Variants in CASK observed in about 807,000 individuals in gnomAD.
CASK encodes peripheral plasma membrane protein CASK.
In CASK, 4 loss-of-function variants were observed where a neutral mutation model predicts 82.9. The ratio of observed to expected loss-of-function variants is 0.05; its 90% CI spans 0.02 to 0.11. CASK has a LOEUF of 0.11. Among genes scored for constraint, CASK ranks in the 10% least tolerant of loss-of-function variants. The probability of loss-of-function intolerance (pLI) is 1.00; values close to 1 mark genes in which losing one functional copy is unlikely to be tolerated. For missense variants in CASK, 358 were observed against 720.9 expected, an observed-to-expected ratio of 0.50 and a Z score of 5.76; for synonymous variants, 259 against 253.5, an observed-to-expected ratio of 1.02 and a Z score of -0.20.
chrX:41,516,742 C>CT lies in CASK; in HGVS notation c.*3677dup, dbSNP rs1369613895. 3 of 111,186 alleles carry CT rather than the reference C, an allele frequency of 2.7e-5. No homozygotes were observed. The highest frequency in any genetic ancestry group is 9.8e-5 in the African/African-American group (3 of 30,588). 9.2% of individuals were successfully genotyped at this position (111,186 alleles called of 1,213,427 possible). A position where few individuals can be genotyped will look rare whatever the true frequency, so the allele number is the denominator to read the frequency against. ...TGGAATGCCGATTCCAAGGTGCCTT[C>CT]TCTTTTCAAAGAGACAGTGTGGGAG... On this transcript the variant is annotated 3_prime_UTR_variant, in exon 27 of 27. Coordinates refer to ENST00000378163, the MANE Select transcript of CASK (RefSeq NM_001367721.1).
chrX:41,628,976 A>T (rs1375564549), intron 9 of CASK, among the ~76,000 whole-genome samples: 2 of 111,840 alleles, frequency 1.8e-5, no homozygotes, highest in Non-Finnish European at 3.8e-5. Context: ...TGTTAGTTAT[A>T]CGCTTCAAGG....
At chrX:41,555,974 C>T (rs2065155868) in intron 19 of CASK, 1 of 166,219 alleles carries the variant, frequency 6.0e-6, no homozygotes, top group Non-Finnish European at 1.1e-5. Context: ...TCAACTTAGT[C>T]ACTGCAACCA....
chrX:41,589,766 A>C (rs2065715478), intron 12 of CASK, 174 bp from the exon 13 acceptor site: 1 of 434,746 alleles, frequency 2.3e-6, no homozygotes, highest in African/African-American at 2.4e-5. Context: ...TTGTCAGAAT[A>C]TGAGTCTTAT....
At chrX:41,843,478 A>C (rs1284089949) in intron 2 of CASK, among the ~76,000 whole-genome samples, 1 of 111,489 alleles carries the variant, frequency 9.0e-6, no homozygotes, top group Admixed American at 9.5e-5. Flanking sequence ...TAAATGTTTA[A>C]ACAAGCTTGA....
intron 1 of CASK, among the ~76,000 whole-genome samples, chrX:41,914,436 T>C (rs2072635803): frequency 8.9e-6 from 1 of 112,574 alleles, no homozygotes; most frequent in African/African-American, 3.2e-5. Context: ...CTGGCTTATG[T>C]ACAACGAAGC....
At chrX:41,863,514 G>A (rs926305627) in intron 1 of CASK, among the ~76,000 whole-genome samples, 4 of 112,383 alleles carry the variant, frequency 3.6e-5, no homozygotes, top group Non-Finnish European at 7.5e-5. Flanking sequence ...ATATCTTGTG[G>A]AGATAACAAA....
intron 1 of CASK, among the ~76,000 whole-genome samples, chrX:41,922,057 C>CT (rs1478728330): frequency 5.4e-5 from 6 of 111,293 alleles, no homozygotes; most frequent in African/African-American, 2.0e-4. Flanking sequence ...GGATTGTGCA[C>CT]TTGGAGTACT....
chrX:41,862,542 G>GA (rs35462461), intron 1 of CASK, among the ~76,000 whole-genome samples: 1,023 of 32,795 alleles, frequency 0.031, 34 homozygotes, highest in African/African-American at 0.066. Flanking sequence ...CTCTGTCTCA[G>GA]AAAAAAAAAA....
chrX:41,556,916 G>C, intron 19 of CASK, 116 bp downstream of exon 19: 1 of 583,815 alleles, frequency 1.7e-6, no homozygotes, highest in Non-Finnish European at 3.0e-6. Context: ...AGCTGTAGTA[G>C]CCTTGTATAT....
At chrX:41,890,242 G>GTGTA (rs1556297436) in intron 1 of CASK, among the ~76,000 whole-genome samples, 615 of 34,229 alleles carry the variant, frequency 0.018, 5 homozygotes, top group African/African-American at 0.11. Context: ...GTGTGTGTAT[G>GTGTA]TGTGTGTGTG....
chrX:41,816,334 T>C (rs933509213), intron 2 of CASK, among the ~76,000 whole-genome samples: 1 of 111,134 alleles, frequency 9.0e-6, no homozygotes, highest in African/African-American at 3.3e-5. Flanking sequence ...TAAAAGTATA[T>C]GAACAGACAA....
intron 2 of CASK, among the ~76,000 whole-genome samples, chrX:41,844,654 C>A (rs1198149023): frequency 9.0e-6 from 1 of 111,417 alleles, no homozygotes; most frequent in Non-Finnish European, 1.9e-5. Flanking sequence ...AAAGAAACAA[C>A]TTTTGGTTTT....
chrX:41,909,838 C>T (rs1490726494), intron 1 of CASK, among the ~76,000 whole-genome samples: 1 of 111,945 alleles, frequency 8.9e-6, no homozygotes, highest in Non-Finnish European at 1.9e-5. Flanking sequence ...AACTCCTGGC[C>T]TCAAATGATC....
chrX:41,716,287 T>C (rs749729700), intron 5 of CASK, among the ~76,000 whole-genome samples: 1 of 111,958 alleles, frequency 8.9e-6, no homozygotes, highest in South Asian at 3.8e-4. Context: ...AGAGTAACGG[T>C]TTGATAGAGA....
chrX:41,845,800 T>A (rs2071144127), intron 2 of CASK, among the ~76,000 whole-genome samples: 1 of 111,698 alleles, frequency 9.0e-6, no homozygotes, highest in Non-Finnish European at 1.9e-5. Flanking sequence ...ATTCCTCCAA[T>A]ACTGCCTCCT....
chrX:41,612,545 C>G (rs752078348), intron 11 of CASK, among the ~76,000 whole-genome samples: 1 of 104,825 alleles, frequency 9.5e-6, no homozygotes, highest in African/African-American at 3.5e-5. Flanking sequence ...CAGCCCCCCG[C>G]CCGGCCAGCC....
At chrX:41,800,281 AC>A (rs1169015633) in intron 2 of CASK, among the ~76,000 whole-genome samples, 5 of 109,664 alleles carry the variant, frequency 4.6e-5, no homozygotes, top group African/African-American at 1.7e-4. Context: ...CACAGTTCAT[AC>A]CTCCTCCTTC....
intron 1 of CASK, among the ~76,000 whole-genome samples, chrX:41,912,602 C>T (rs2072596374): frequency 9.3e-6 from 1 of 107,336 alleles, no homozygotes; most frequent in Non-Finnish European, 1.9e-5. Flanking sequence ...GCCACTGCAC[C>T]CGGCCTGGAC....
intron 12 of CASK, among the ~76,000 whole-genome samples, chrX:41,602,890 T>C (rs369694082): frequency 3.0e-3 from 333 of 111,603 alleles, no homozygotes; most frequent in African/African-American, 9.4e-3. Flanking sequence ...GAAACAGATA[T>C]GGGAGGTTTT....
Sources: allele counts gnomAD v4.1 joint callset (sites outside exome capture counted in the v4.1 genomes callset), GRCh38; gene constraint gnomAD v4.1.1; transcripts MANE v1.5; gene names NCBI Gene and HGNC (gene_info 2026-07-23, HGNC 2026-07-21).